PCDH9: variants seen among roughly 807,000 people sequenced by gnomAD.
PCDH9 encodes the protein protocadherin-9.
PCDH9 carries 24 observed loss-of-function variants against 70.6 expected under a neutral mutation model. That is an observed-to-expected ratio of 0.34 (90% confidence interval 0.25 to 0.48). The LOEUF is 0.48. Ranked by LOEUF, PCDH9 falls within the 20% of genes least tolerant of loss-of-function variation. The pLI is 0.99. For missense variants in PCDH9, 1,281 were observed against 1,503.6 expected (o/e 0.85, Z 2.45); for synonymous variants, 562 against 558.5 (o/e 1.01, Z -0.09).
intron 4 of PCDH9, among the ~76,000 whole-genome samples, chr13:66,522,995 G>T (rs1202457175): frequency 6.6e-6 from 1 of 151,948 alleles, no homozygotes; most frequent in Non-Finnish European, 1.5e-5. Context: ...TAGTTTGCTG[G>T]ACTGAAATTA....
intron 2 of PCDH9, among the ~76,000 whole-genome samples, chr13:67,174,190 C>A (rs1165673537): frequency 6.6e-6 from 1 of 151,880 alleles, no homozygotes; most frequent in East Asian, 1.9e-4. Flanking sequence ...TAAAATATGT[C>A]CTTAGTATTT....
Position 67,019,185 on chromosome 13 carries a change from G to GTT in PCDH9, c.3037-115581_3037-115580insAA, listed in dbSNP as rs1265244099. ...CCCTCCTTAACACCTTCAGGCAGTT[G>GTT]CTCTTTTTTTTTTTTTTTTTTTTTC... is the stretch of plus-strand genomic sequence containing the variant. On this transcript the variant is annotated intron_variant, in intron 2 of 4. Coordinates refer to ENST00000377865, the MANE Select transcript of PCDH9 (RefSeq NM_203487.3). Among the ~76,000 whole-genome samples the GTT allele has an allele frequency of 8.9e-3, 971 of 109,044 alleles. 3 individuals carry two copies. Among genetic ancestry groups the GTT allele is most frequent in the Non-Finnish European group, 0.012 (686 of 55,630 alleles). The allele number at this position is 109,044 out of a possible 152,430, so 71.5% of individuals were successfully genotyped here. A position where few individuals can be genotyped will look rare whatever the true frequency, so the allele number is the denominator to read the frequency against.
chr13:67,063,508 G>A (rs527787547), intron 2 of PCDH9, among the ~76,000 whole-genome samples: 1 of 121,138 alleles, frequency 8.3e-6, no homozygotes, highest in Non-Finnish European at 1.7e-5. Flanking sequence ...GAGGCTCATA[G>A]AATTTAAAAA....
At chr13:66,946,759 A>G (rs930640615) in intron 2 of PCDH9, among the ~76,000 whole-genome samples, 5 of 152,002 alleles carry the variant, frequency 3.3e-5, no homozygotes, top group Non-Finnish European at 7.4e-5. Flanking sequence ...TATATTTTAG[A>G]AACAAAAAAA....
At chr13:66,618,883 A>G (rs571805629) in intron 4 of PCDH9, among the ~76,000 whole-genome samples, 1 of 152,314 alleles carries the variant, frequency 6.6e-6, no homozygotes, top group Non-Finnish European at 1.5e-5. Context: ...TACACCAGGG[A>G]AAGTTGACAT....
At chr13:67,025,429 T>A (rs1444309143) in intron 2 of PCDH9, among the ~76,000 whole-genome samples, 1 of 152,148 alleles carries the variant, frequency 6.6e-6, no homozygotes, top group Non-Finnish European at 1.5e-5. Flanking sequence ...TGAGAAAGTC[T>A]TCTTTTTTTA....
At chr13:66,956,865 C>G (rs753167619) in intron 2 of PCDH9, among the ~76,000 whole-genome samples, 5 of 152,152 alleles carry the variant, frequency 3.3e-5, no homozygotes, top group African/African-American at 4.8e-5. Flanking sequence ...CCTCTCCCCC[C>G]ACCAAAACAT....
chr13:66,616,501 T>TTTTA (rs1555313071), intron 4 of PCDH9, among the ~76,000 whole-genome samples: 9 of 145,090 alleles, frequency 6.2e-5, no homozygotes, highest in Non-Finnish European at 1.2e-4. Context: ...TTTTTTTTTT[T>TTTTA]AATTTTTGCC....
chr13:66,612,092 T>A (rs1400125438), intron 4 of PCDH9, among the ~76,000 whole-genome samples: 1 of 152,234 alleles, frequency 6.6e-6, no homozygotes, highest in Non-Finnish European at 1.5e-5. Context: ...AATATCTCCC[T>A]CTCCTAACCT....
chr13:67,164,343 G>A (rs957765611), intron 2 of PCDH9, among the ~76,000 whole-genome samples: 12 of 152,074 alleles, frequency 7.9e-5, no homozygotes, highest in African/African-American at 4.8e-5. Context: ...TTGGGAGGCC[G>A]AGATGGGTGG....
intron 4 of PCDH9, among the ~76,000 whole-genome samples, chr13:66,380,504 G>C (rs989527511): frequency 6.8e-6 from 1 of 147,006 alleles, no homozygotes; most frequent in South Asian, 2.1e-4. Flanking sequence ...ACATAATGCC[G>C]GAAGAAAAAA....
At chr13:66,673,876 T>C (rs2078209309) in intron 3 of PCDH9, among the ~76,000 whole-genome samples, 1 of 152,206 alleles carries the variant, frequency 6.6e-6, no homozygotes, top group Non-Finnish European at 1.5e-5. Context: ...TTTAATTCAA[T>C]TATCCAGTTA....
intron 4 of PCDH9, among the ~76,000 whole-genome samples, chr13:66,448,502 A>G (rs1958141768): frequency 6.6e-6 from 1 of 152,224 alleles, no homozygotes; most frequent in Non-Finnish European, 1.5e-5. Flanking sequence ...CTAGGATTAA[A>G]GAGACTGAGT....
intron 2 of PCDH9, among the ~76,000 whole-genome samples, chr13:67,169,818 T>G (rs769453456): frequency 6.6e-6 from 1 of 152,218 alleles, no homozygotes; most frequent in African/African-American, 2.4e-5. Flanking sequence ...TTTACTCTTC[T>G]GTATTTTTTG....
chr13:66,937,426 C>T (rs546309836), intron 2 of PCDH9, among the ~76,000 whole-genome samples: 57 of 152,292 alleles, frequency 3.7e-4, no homozygotes, highest in African/African-American at 1.4e-3. Context: ...ATATGTATCA[C>T]TATTTGAAGT....
chr13:66,603,256 G>A lies in PCDH9; in HGVS notation c.3340+27954C>T, dbSNP rs1198754446. On this transcript the variant is annotated intron_variant, in intron 4 of 4. Coordinates refer to ENST00000377865, the MANE Select transcript of PCDH9 (RefSeq NM_203487.3). ...ATTAAACATGTATATATCCAATAGA[G>A]CTTAGTTAATCAGAGAAGAGATTAG... 7.9e-5 allele frequency among the ~76,000 whole-genome samples: 9 copies of A among 113,514 alleles called. 1 individual carries two copies. Among genetic ancestry groups the A allele is most frequent in the African/African-American group, 2.3e-4 (8 of 35,124 alleles). 74.5% of individuals were successfully genotyped at this position (113,514 alleles called of 152,430 possible).
chr13:67,167,442 C>G (rs1368451155), intron 2 of PCDH9, among the ~76,000 whole-genome samples: 1 of 152,128 alleles, frequency 6.6e-6, no homozygotes, highest in Non-Finnish European at 1.5e-5. Flanking sequence ...ATATAACTCT[C>G]TAGTACATAA....
chr13:66,750,650 G>A (rs2139225348), intron 3 of PCDH9, among the ~76,000 whole-genome samples: 1 of 151,786 alleles, frequency 6.6e-6, no homozygotes, highest in South Asian at 2.1e-4. Flanking sequence ...TTTAACTAAT[G>A]TAACAAAATA....
intron 2 of PCDH9, among the ~76,000 whole-genome samples, chr13:67,047,128 T>C (rs1162540560): frequency 6.6e-6 from 1 of 152,102 alleles, no homozygotes; most frequent in East Asian, 1.9e-4. Context: ...AATGATGTAC[T>C]CTTGGTTACA....
Sources: allele counts gnomAD v4.1 joint callset (sites outside exome capture counted in the v4.1 genomes callset), GRCh38; gene constraint gnomAD v4.1.1; transcripts MANE v1.5; gene names NCBI Gene and HGNC (gene_info 2026-07-23, HGNC 2026-07-21).